Variants in MAST4 observed in about 807,000 individuals in gnomAD.
MAST4 encodes microtubule-associated serine/threonine-protein kinase 4.
Under a neutral mutation model 162.7 loss-of-function variants are expected in MAST4, and 89 were observed. That is an observed-to-expected ratio of 0.55 (90% confidence interval 0.46 to 0.65). MAST4 has a LOEUF of 0.65. Ranked by LOEUF, MAST4 falls within the 30% of genes least tolerant of loss-of-function variation. The probability of loss-of-function intolerance (pLI) is 0.00; values close to 1 mark genes in which losing one functional copy is unlikely to be tolerated. For synonymous variants in MAST4, 1,479 were observed against 1,361.1 expected, an observed-to-expected ratio of 1.09 and a Z score of -1.91; for missense variants, 3,153 against 3,374.0, an observed-to-expected ratio of 0.93 and a Z score of 1.62.
At chr5:66,846,015 A>C (rs191529707) in intron 3 of MAST4, among the ~76,000 whole-genome samples, 63 of 152,280 alleles carry the variant, frequency 4.1e-4, no homozygotes, top group African/African-American at 1.5e-3. Context: ...TTTCATTTCT[A>C]TCACATACCC....
intron 1 of MAST4, among the ~76,000 whole-genome samples, chr5:66,706,628 A>G (rs1246804704): frequency 4.0e-5 from 6 of 150,904 alleles, no homozygotes; most frequent in Non-Finnish European, 7.4e-5. Flanking sequence ...TTTTTGTTGA[A>G]GTGATCAGGT....
At chr5:67,085,080 C>T (rs910516637) in intron 5 of MAST4, among the ~76,000 whole-genome samples, 17 of 152,186 alleles carry the variant, frequency 1.1e-4, no homozygotes, top group African/African-American at 3.6e-4. Flanking sequence ...TAAAGCTTGC[C>T]CAGGTGTTCA....
chr5:67,078,910 A>AAATATATATATATATATAT (rs1762153763), intron 5 of MAST4, among the ~76,000 whole-genome samples: 2 of 22,124 alleles, frequency 9.0e-5, no homozygotes, highest in Non-Finnish European at 1.5e-4. Context: ...ATTTTTATAT[A>AAATATATATATATATATAT]AATATATATA....
Position 66,993,389 on chromosome 5 carries a change from G to A in MAST4, c.675-61015G>A, listed in dbSNP as rs16896154. 5.9e-3 allele frequency among the ~76,000 whole-genome samples: 906 copies of A among 152,300 alleles called. 15 individuals carry two copies. Among genetic ancestry groups the A allele is most frequent in the Admixed American group, 0.035 (536 of 15,292 alleles). On this transcript the variant is annotated intron_variant, in intron 4 of 28. Transcript: ENST00000403625. ...GAGACATACACAGATGAATAGAAAC[G>A]GTCCTTGTACTTGGAGAGCTTTAAG... is the stretch of plus-strand genomic sequence containing the variant.
chr5:67,075,238 G>A (rs188179301), intron 5 of MAST4, among the ~76,000 whole-genome samples: 1 of 147,920 alleles, frequency 6.8e-6, no homozygotes, highest in African/African-American at 2.5e-5. Context: ...TGGCATGATC[G>A]TGGCTCCCTG....
rs576540187 is a variant in MAST4, at chr5:66,631,615, C to A, written c.363+34597C>A. On this transcript the variant is annotated intron_variant, in intron 1 of 28. Coordinates refer to ENST00000403625, the MANE Select transcript of MAST4 (RefSeq NM_001164664.2). The stretch of plus-strand genomic sequence containing the variant: ...GTACAATAAGCTCCCCAACAACACC[C>A]CCAAATAATGTAACTTTGGACGTAA... Among the ~76,000 whole-genome samples the A allele has an allele frequency of 9.9e-5, 15 of 152,162 alleles. No individual in the cohort carries two copies. In the East Asian group the frequency reaches 2.7e-3, roughly 27 times the overall value.
Position 67,166,458 on chromosome 5 carries a change from C to T in MAST4, c.7279C>T (p.Pro2427Ser), listed in dbSNP as rs1344555163. 1 of 1,601,878 alleles carries T rather than the reference C, an allele frequency of 6.2e-7. No homozygotes were observed. Among genetic ancestry groups the T allele is most frequent in the Non-Finnish European group, 8.5e-7 (1 of 1,173,824 alleles). ...AGGGAAAGGGCCCGGTCCCCAGAAGCCACCGACGGAGGCAGACAAGCCCAA... is the reference window on the plus strand; with the variant it reads ...AGGGAAAGGGCCCGGTCCCCAGAAGTCACCGACGGAGGCAGACAAGCCCAA... ...ARGKGPGPQK[P>S]PTEADKPNGM... The change falls in exon 29 of 29, where the codon CCA becomes TCA. Residue 2427 changes from proline to serine, a missense_variant. Pro to Ser is a moderately conservative substitution (Grantham distance 74, BLOSUM62 -1). Transcript: ENST00000403625.
intron 5 of MAST4, among the ~76,000 whole-genome samples, chr5:67,063,055 T>G (rs1195929039): frequency 6.6e-6 from 1 of 152,222 alleles, no homozygotes; most frequent in Non-Finnish European, 1.5e-5. Flanking sequence ...AGTGTGTATG[T>G]CCAAGCTATA....
chr5:66,887,604 G>A (rs558698045), intron 3 of MAST4, among the ~76,000 whole-genome samples: 51 of 152,270 alleles, frequency 3.3e-4, no homozygotes, highest in African/African-American at 1.2e-3. Flanking sequence ...TTAATATGAG[G>A]ACCCTGACCT....
At chr5:67,072,695 T>C (rs906195963) in intron 5 of MAST4, among the ~76,000 whole-genome samples, 5 of 152,180 alleles carry the variant, frequency 3.3e-5, no homozygotes, top group Admixed American at 3.3e-4. Flanking sequence ...TAGAAGTTAA[T>C]GCTGTTGTAT....
At chr5:66,721,781 T>G (rs1751226203) in intron 1 of MAST4, among the ~76,000 whole-genome samples, 1 of 151,472 alleles carries the variant, frequency 6.6e-6, no homozygotes. Flanking sequence ...GAACTTCTTG[T>G]CTACCCACCA....
At chr5:66,956,121 C>T (rs899765461) in intron 4 of MAST4, among the ~76,000 whole-genome samples, 1 of 152,056 alleles carries the variant, frequency 6.6e-6, no homozygotes, top group Admixed American at 6.5e-5. Flanking sequence ...CTGTGCCTGG[C>T]CTTCTTTTAA....
chr5:66,787,475 T>A (rs1755170057), intron 2 of MAST4, among the ~76,000 whole-genome samples: 1 of 152,264 alleles, frequency 6.6e-6, no homozygotes, highest in Non-Finnish European at 1.5e-5. Flanking sequence ...GGACAATTGA[T>A]GGGAGATGCC....
At position 66,903,697 on chromosome 5, in the gene MAST4, G is replaced by A. The variant is rs906357974; in HGVS notation, c.674+3715G>A. 3.3e-5 allele frequency among the ~76,000 whole-genome samples: 5 copies of A among 152,114 alleles called. No individual in the cohort carries two copies. In the South Asian group the frequency reaches 1.0e-3, roughly 32 times the overall value. ...TCATGACGGTATATTATTACACTTA[G>A]CTTCAGAACTAGATTTGTTGCCTTA... On this transcript the variant is annotated intron_variant, in intron 4 of 28. Coordinates refer to ENST00000403625, the MANE Select transcript of MAST4 (RefSeq NM_001164664.2).
At chr5:66,686,325 C>T (rs943139065) in intron 1 of MAST4, among the ~76,000 whole-genome samples, 1 of 151,848 alleles carries the variant, frequency 6.6e-6, no homozygotes, top group Non-Finnish European at 1.5e-5. Context: ...GTAGTTATTA[C>T]TATTATTATT....
chr5:66,789,449 G>T (rs1281199078), intron 3 of MAST4, among the ~76,000 whole-genome samples: 1 of 152,114 alleles, frequency 6.6e-6, no homozygotes, highest in Non-Finnish European at 1.5e-5. Flanking sequence ...CCTCTCTTTA[G>T]TCCCCTTTAA....
intron 1 of MAST4, among the ~76,000 whole-genome samples, chr5:66,733,043 A>G (rs971299398): frequency 3.3e-5 from 5 of 152,120 alleles, no homozygotes; most frequent in African/African-American, 1.2e-4. Flanking sequence ...TTTATGCTTC[A>G]ACCTCCATGG....
At chr5:67,131,306 T>C (rs1768936944) in intron 15 of MAST4, among the ~76,000 whole-genome samples, 1 of 152,198 alleles carries the variant, frequency 6.6e-6, no homozygotes, top group African/African-American at 2.4e-5. Flanking sequence ...ATTTAATATG[T>C]GATATGTGTT....
At chr5:67,004,942 C>T in intron 4 of MAST4, 4 of 720,686 alleles carry the variant, frequency 5.6e-6, no homozygotes, top group Admixed American at 4.0e-5. Context: ...TTTACCTCTC[C>T]CCATTTTAGT....
Sources: allele counts gnomAD v4.1 joint callset (sites outside exome capture counted in the v4.1 genomes callset), GRCh38; gene constraint gnomAD v4.1.1; transcripts MANE v1.5; gene names NCBI Gene and HGNC (gene_info 2026-07-23, HGNC 2026-07-21).